The following MGAT4C variants were observed in gnomAD, a reference collection of about 807,000 sequenced individuals.
The protein encoded by MGAT4C is alpha-1,3-mannosyl-glycoprotein 4-beta-N-acetylglucosaminyltransferase C.
In MGAT4C, 19 loss-of-function variants were observed where a neutral mutation model predicts 40.1. The ratio of observed to expected loss-of-function variants is 0.47; its 90% CI spans 0.33 to 0.70. The LOEUF is 0.70. Ranked by LOEUF, MGAT4C falls within the 30% of genes least tolerant of loss-of-function variation. The probability of loss-of-function intolerance (pLI) is 0.02; values close to 1 mark genes in which losing one functional copy is unlikely to be tolerated. For missense variants in MGAT4C, 491 were observed against 563.2 expected (o/e 0.87, Z 1.30); for synonymous variants, 181 against 187.1 (o/e 0.97, Z 0.27).
intron 2 of MGAT4C, among the ~76,000 whole-genome samples, chr12:86,580,366 T>C (rs961383296): frequency 6.6e-6 from 1 of 151,506 alleles, no homozygotes; most frequent in African/African-American, 2.4e-5. Context: ...GGGATAAGAA[T>C]TTTCTCTCTT....
chr12:86,193,958 T>C (rs939090184), intron 1 of MGAT4C, among the ~76,000 whole-genome samples: 6 of 152,190 alleles, frequency 3.9e-5, no homozygotes, highest in African/African-American at 1.4e-4. Context: ...TCATATCATC[T>C]TACCTAACCT....
At chr12:86,564,870 C>A (rs189980954) in intron 2 of MGAT4C, among the ~76,000 whole-genome samples, 1 of 152,298 alleles carries the variant, frequency 6.6e-6, no homozygotes, top group African/African-American at 2.4e-5. Context: ...GCTGTGCAAG[C>A]TGCTCTGCCA....
intron 2 of MGAT4C, among the ~76,000 whole-genome samples, chr12:86,618,095 C>A (rs1962514453): frequency 2.0e-5 from 3 of 152,124 alleles, no homozygotes; most frequent in Admixed American, 2.0e-4. Context: ...ATATCACTAA[C>A]TTCAGGGAAA....
At chr12:86,400,670 G>A (rs749329197) in intron 3 of MGAT4C, among the ~76,000 whole-genome samples, 1 of 152,046 alleles carries the variant, frequency 6.6e-6, no homozygotes, top group Non-Finnish European at 1.5e-5. Context: ...ACACTTTTTT[G>A]TGTTTTCTGT....
chr12:86,688,377 A>G (rs976376925), intron 2 of MGAT4C, among the ~76,000 whole-genome samples: 1 of 151,886 alleles, frequency 6.6e-6, no homozygotes, highest in African/African-American at 2.4e-5. Flanking sequence ...GGTTAATTTG[A>G]TCCTGTCATT....
intron 2 of MGAT4C, among the ~76,000 whole-genome samples, chr12:86,467,776 TTAGA>T (rs1462878733): frequency 1.3e-5 from 2 of 152,162 alleles, no homozygotes; most frequent in African/African-American, 2.4e-5. Context: ...TTTACTCTCT[TTAGA>T]TAATGTTTCC....
intron 3 of MGAT4C, among the ~76,000 whole-genome samples, chr12:86,338,969 A>AC (rs1954846975): frequency 6.6e-6 from 1 of 150,956 alleles, no homozygotes; most frequent in Non-Finnish European, 1.5e-5. Context: ...AAAAAAAAAA[A>AC]AAAAAAAAAA....
At chr12:86,623,604 C>G (rs1962708102) in intron 2 of MGAT4C, among the ~76,000 whole-genome samples, 1 of 151,914 alleles carries the variant, frequency 6.6e-6, no homozygotes, top group Admixed American at 6.6e-5. Flanking sequence ...TATATCAAGT[C>G]AAAAATATCT....
At chr12:86,633,502 A>T (rs951464911) in intron 2 of MGAT4C, among the ~76,000 whole-genome samples, 1 of 152,076 alleles carries the variant, frequency 6.6e-6, no homozygotes, top group Non-Finnish European at 1.5e-5. Context: ...CATCCTTTCC[A>T]ATACTCATTA....
At chr12:86,651,135 G>T (rs1375367034) in intron 2 of MGAT4C, among the ~76,000 whole-genome samples, 1 of 151,826 alleles carries the variant, frequency 6.6e-6, no homozygotes, top group South Asian at 2.1e-4. Flanking sequence ...AATAAGATAC[G>T]TTAAATGGTA....
chr12:86,431,682 G>A (rs1957042261), intron 3 of MGAT4C, among the ~76,000 whole-genome samples: 1 of 152,124 alleles, frequency 6.6e-6, no homozygotes, highest in Non-Finnish European at 1.5e-5. Flanking sequence ...ACAGTATACT[G>A]TAGAGTATCA....
chr12:86,537,683 C>G (rs1959098492), intron 2 of MGAT4C, among the ~76,000 whole-genome samples: 1 of 152,084 alleles, frequency 6.6e-6, no homozygotes, highest in Admixed American at 6.5e-5. Flanking sequence ...GTGAACGCCT[C>G]TAATTTGGGG....
chr12:86,424,193 T>C (rs1006885879), intron 3 of MGAT4C, among the ~76,000 whole-genome samples: 4 of 152,206 alleles, frequency 2.6e-5, no homozygotes, highest in Admixed American at 2.6e-4. Flanking sequence ...GGTTCCAGAA[T>C]CATTGCAGCC....
At chr12:86,181,900 T>C (rs1278885431) in intron 1 of MGAT4C, among the ~76,000 whole-genome samples, 1 of 152,100 alleles carries the variant, frequency 6.6e-6, no homozygotes, top group Non-Finnish European at 1.5e-5. Flanking sequence ...AATAATACTT[T>C]AATATTATTT....
chr12:86,400,276 G>T (rs1956332497), intron 3 of MGAT4C, among the ~76,000 whole-genome samples: 1 of 152,132 alleles, frequency 6.6e-6, no homozygotes, highest in African/African-American at 2.4e-5. Context: ...TTACAATGTG[G>T]CATGAATAGC....
At chr12:86,701,765 G>A (rs554453790) in intron 2 of MGAT4C, among the ~76,000 whole-genome samples, 1 of 152,260 alleles carries the variant, frequency 6.6e-6, no homozygotes, top group South Asian at 2.1e-4. Context: ...TAGCCAATAT[G>A]TGAATAGAAG....
chr12:86,409,211 G>C (rs531641209), intron 3 of MGAT4C, among the ~76,000 whole-genome samples: 1 of 152,156 alleles, frequency 6.6e-6, no homozygotes, highest in South Asian at 2.1e-4. Flanking sequence ...TATTCATTGG[G>C]CCAACCAAAT....
intron 1 of MGAT4C, among the ~76,000 whole-genome samples, chr12:86,054,212 A>C (rs1470981165): frequency 2.0e-5 from 3 of 152,016 alleles, no homozygotes; most frequent in Non-Finnish European, 4.4e-5. Flanking sequence ...CAATGGATAA[A>C]TGGATAAAGA....
chr12:86,569,537 C>A (rs568274284), intron 2 of MGAT4C, among the ~76,000 whole-genome samples: 2 of 152,030 alleles, frequency 1.3e-5, no homozygotes, highest in South Asian at 2.1e-4. Context: ...CAAAAATACC[C>A]CAAATTAAAT....
Sources: gnomAD v4.1 joint callset for allele counts (sites outside exome capture counted in the v4.1 genomes callset) on GRCh38, gnomAD v4.1.1 for gene constraint, MANE v1.5 for transcripts, NCBI Gene and HGNC (gene_info 2026-07-23, HGNC 2026-07-21) for gene names.